CADPS: variants seen among roughly 807,000 people sequenced by gnomAD.
CADPS encodes calcium-dependent secretion activator 1.
CADPS carries 57 observed loss-of-function variants against 167.3 expected under a neutral mutation model. The ratio of observed to expected loss-of-function variants is 0.34; its 90% CI spans 0.28 to 0.42. The LOEUF (loss-of-function observed/expected upper bound fraction) is 0.42, where lower values mean the gene tolerates loss of function less well. CADPS is among the 20% of genes least tolerant of loss of function. The probability of loss-of-function intolerance (pLI) is 1.00; values close to 1 mark genes in which losing one functional copy is unlikely to be tolerated. For missense variants in CADPS, 1,414 were observed against 1,738.1 expected (o/e 0.81, Z 3.32); for synonymous variants, 676 against 635.3 (o/e 1.06, Z -0.96).
chr3:62,867,602 T>G (rs146017878), intron 1 of CADPS, among the ~76,000 whole-genome samples: 1 of 152,186 alleles, frequency 6.6e-6, no homozygotes, highest in East Asian at 1.9e-4. Context: ...TGCCTTCTGG[T>G]ATTCTTGCAT....
At position 62,566,086 on chromosome 3, in the gene CADPS, A is replaced by G. The variant is rs114307526; in HGVS notation, c.1644+4786T>C. Among the ~76,000 whole-genome samples the G allele has an allele frequency of 4.9e-3, 741 of 152,318 alleles. 7 individuals carry two copies. The highest frequency in any genetic ancestry group is 0.015 in the African/African-American group (634 of 41,574). Reference sequence around the variant, plus strand: ...TCTCTACATAAACACATTCCATAAGATCTAACATCTGAATTGAAAGACACA... The same window carrying G: ...TCTCTACATAAACACATTCCATAAGGTCTAACATCTGAATTGAAAGACACA... On this transcript the variant is annotated intron_variant, in intron 9 of 29. Transcript: ENST00000383710.
At chr3:62,427,614 A>T (rs999420835) in intron 28 of CADPS, among the ~76,000 whole-genome samples, 1 of 152,122 alleles carries the variant, frequency 6.6e-6, no homozygotes, top group Non-Finnish European at 1.5e-5. Flanking sequence ...GTCTCCAGAC[A>T]TGGTTAAAAG....
chr3:62,835,125 TC>T (rs1373464033), intron 1 of CADPS, among the ~76,000 whole-genome samples: 1 of 152,212 alleles, frequency 6.6e-6, no homozygotes. Context: ...GAAGAAACTG[TC>T]CCAGTAATAG....
chr3:62,870,205 T>C (rs1011942990), intron 1 of CADPS, among the ~76,000 whole-genome samples: 5 of 152,168 alleles, frequency 3.3e-5, no homozygotes, highest in Non-Finnish European at 7.4e-5. Context: ...GAAACAATTC[T>C]GTTTAAAGAA....
At chr3:62,417,040 C>T (rs959889943) in intron 28 of CADPS, among the ~76,000 whole-genome samples, 5 of 151,852 alleles carry the variant, frequency 3.3e-5, no homozygotes, top group African/African-American at 9.7e-5. Context: ...CGTGCACCAC[C>T]GTGCCCAGCT....
intron 23 of CADPS, among the ~76,000 whole-genome samples, chr3:62,476,423 C>T (rs999427289): frequency 6.6e-6 from 1 of 152,096 alleles, no homozygotes; most frequent in Non-Finnish European, 1.5e-5. Flanking sequence ...TTAAAAGGGA[C>T]ATCAGGAAAT....
chr3:62,849,204 C>T (rs1404814514), intron 1 of CADPS, among the ~76,000 whole-genome samples: 2 of 149,682 alleles, frequency 1.3e-5, no homozygotes, highest in Admixed American at 6.7e-5. Flanking sequence ...TCTAGATAAA[C>T]AATCATGTCG....
chr3:62,702,550 G>A (rs2081584136), intron 3 of CADPS, among the ~76,000 whole-genome samples: 1 of 152,074 alleles, frequency 6.6e-6, no homozygotes, highest in Non-Finnish European at 1.5e-5. Flanking sequence ...GAACAAACGT[G>A]AAATGTTAAG....
intron 6 of CADPS, among the ~76,000 whole-genome samples, chr3:62,635,377 G>T (rs1432297146): frequency 6.6e-6 from 1 of 152,130 alleles, no homozygotes; most frequent in Non-Finnish European, 1.5e-5. Flanking sequence ...AGTCATGGGA[G>T]ACAAGAGCCC....
intron 1 of CADPS, among the ~76,000 whole-genome samples, chr3:62,814,714 C>A (rs2094535855): frequency 6.6e-6 from 1 of 152,080 alleles, no homozygotes; most frequent in East Asian, 1.9e-4. Context: ...AAATATAACA[C>A]AAATTTGTTG....
intron 6 of CADPS, among the ~76,000 whole-genome samples, chr3:62,635,516 G>A (rs552876408): frequency 6.6e-6 from 1 of 152,176 alleles, no homozygotes; most frequent in African/African-American, 2.4e-5. Flanking sequence ...TACTTGTGTT[G>A]GACCTAGCAA....
In CADPS at chr3:62,516,726, T is replaced by C. The variant is rs1181465569; in HGVS notation, c.2394-83A>G. ...GCTGCAATTTGATTCCTATAGCAAC[T>C]CTCTCTGAGGAATGGAAAATGCTTT... On this transcript the variant is annotated intron_variant, in intron 14 of 29. Coordinates refer to ENST00000383710, the MANE Select transcript of CADPS (RefSeq NM_003716.4). 3 of 954,388 alleles carry C rather than the reference T, an allele frequency of 3.1e-6. No homozygotes were observed. The East Asian group carries it at 7.3e-5, about 23-fold the overall frequency. The allele number at this position is 954,388 out of a possible 1,614,324, so 59.1% of individuals were successfully genotyped here.
At chr3:62,683,831 C>A (rs1202491001) in intron 3 of CADPS, among the ~76,000 whole-genome samples, 1 of 151,966 alleles carries the variant, frequency 6.6e-6, no homozygotes, top group Admixed American at 6.6e-5. Context: ...TTGGGTTTGT[C>A]TAGAGTTTTT....
intron 3 of CADPS, among the ~76,000 whole-genome samples, chr3:62,688,260 A>G (rs1016485605): frequency 2.1e-4 from 25 of 119,114 alleles, no homozygotes; most frequent in East Asian, 1.3e-3. Flanking sequence ...AAAAAAACCA[A>G]AAATATTCCT....
chr3:62,565,057 A>T (rs2079893361), intron 9 of CADPS, among the ~76,000 whole-genome samples: 1 of 152,214 alleles, frequency 6.6e-6, no homozygotes, highest in African/African-American at 2.4e-5. Context: ...GCTATCCAGC[A>T]GTGCTCTATG....
At chr3:62,834,129 C>T (rs1456720948) in intron 1 of CADPS, among the ~76,000 whole-genome samples, 5 of 152,060 alleles carry the variant, frequency 3.3e-5, no homozygotes, top group Admixed American at 2.0e-4. Flanking sequence ...CAAATGTGGA[C>T]CTTTGAGAAC....
intron 4 of CADPS, among the ~76,000 whole-genome samples, chr3:62,654,108 G>C (rs2070922707): frequency 6.6e-6 from 1 of 152,170 alleles, no homozygotes; most frequent in South Asian, 2.1e-4. Flanking sequence ...CTTGATCAGG[G>C]ACAAGTGTGA....
chr3:62,794,793 A>AAAAAAAAAAAAG (rs1553689817), intron 1 of CADPS, among the ~76,000 whole-genome samples: 5 of 136,692 alleles, frequency 3.7e-5, no homozygotes, highest in South Asian at 2.1e-4. Context: ...AAAAAAAAAA[A>AAAAAAAAAAAAG]AAAAAAAAAA....
intron 9 of CADPS, among the ~76,000 whole-genome samples, chr3:62,560,843 G>A (rs1273968362): frequency 2.0e-5 from 3 of 152,168 alleles, no homozygotes; most frequent in African/African-American, 7.2e-5. Context: ...CACTTTGGGA[G>A]GCTGAGATGG....
Sources: gnomAD v4.1 joint callset for allele counts (sites outside exome capture counted in the v4.1 genomes callset) on GRCh38, gnomAD v4.1.1 for gene constraint, MANE v1.5 for transcripts, NCBI Gene and HGNC (gene_info 2026-07-23, HGNC 2026-07-21) for gene names.